Variants in QTGAL observed in about 807,000 individuals in gnomAD.
QTGAL encodes BGnT-like protein 1.
chr17:83,049,035 C>G, the QTGAL span: 1 of 467,452 alleles, frequency 2.1e-6, no homozygotes, highest in Non-Finnish European at 3.9e-6. Flanking sequence ...GGGTGGATTA[C>G]AAGGTCAGGA....
chr17:83,006,754 C>T, the QTGAL span: 1 of 985,480 alleles, frequency 1.0e-6, no homozygotes, highest in Non-Finnish European at 1.2e-6. This position sits in a 1 kb window ranked among gnomAD's most constrained non-coding sequence, Gnocchi z 5.8. Flanking sequence ...CCAGTCACTG[C>T]ATGTAACAGT....
the QTGAL span, among the ~76,000 whole-genome samples, chr17:83,029,099 C>A: frequency 2.0e-5 from 3 of 152,160 alleles, no homozygotes; most frequent in African/African-American, 7.2e-5. Context: ...CAGGCCGTTC[C>A]GAGGGACAGA....
the QTGAL span, chr17:83,006,440 A>G: frequency 1.0e-6 from 1 of 984,992 alleles, no homozygotes; most frequent in Non-Finnish European, 1.2e-6. The surrounding 1 kb of genome is among the most constrained non-coding windows in gnomAD (Gnocchi z 5.8). Context: ...AAACAACTGT[A>G]GAGAGACCCT....
the QTGAL span, among the ~76,000 whole-genome samples, chr17:83,036,876 G>A: frequency 1.3e-5 from 2 of 152,140 alleles, no homozygotes; most frequent in Non-Finnish European, 1.5e-5. Flanking sequence ...GGGTAGCCAA[G>A]GAAGGCTTCT....
chr17:82,965,710 T>C, the QTGAL span: 1 of 1,612,676 alleles, frequency 6.2e-7, no homozygotes, highest in African/African-American at 1.3e-5. Flanking sequence ...CAGAACCAGG[T>C]GGGCATGATC....
chr17:82,991,167 G>GCCAAAA, the QTGAL span, among the ~76,000 whole-genome samples: 1 of 152,090 alleles, frequency 6.6e-6, no homozygotes. Flanking sequence ...TTGTGAACTG[G>GCCAAAA]GTTAGCCAAA....
chr17:83,050,161 G>C, the QTGAL span, among the ~76,000 whole-genome samples: 1 of 151,998 alleles, frequency 6.6e-6, no homozygotes, highest in African/African-American at 2.4e-5. Context: ...ATCTGATGTC[G>C]GGAGTTCAAG....
the QTGAL span, chr17:83,005,120 T>A: frequency 6.2e-7 from 1 of 1,604,406 alleles, no homozygotes; most frequent in Non-Finnish European, 8.5e-7. The surrounding 1 kb of genome is among the most constrained non-coding windows in gnomAD (Gnocchi z 5.6). Context: ...GGTACCTGGG[T>A]TAGGAGCTGC....
chr17:83,014,022 G>C, the QTGAL span, among the ~76,000 whole-genome samples: 5 of 152,166 alleles, frequency 3.3e-5, no homozygotes, highest in Non-Finnish European at 5.9e-5. Context: ...GGAGCCCACG[G>C]GGCACTGCTG....
At chr17:83,048,239 G>T in the QTGAL span, among the ~76,000 whole-genome samples, 1 of 152,130 alleles carries the variant, frequency 6.6e-6, no homozygotes, top group Non-Finnish European at 1.5e-5. Context: ...TGTTGGCCAC[G>T]CTGGTCTTGA....
the QTGAL span, chr17:83,051,653 G>C: frequency 7.8e-7 from 1 of 1,286,968 alleles, no homozygotes; most frequent in East Asian, 3.1e-5. Flanking sequence ...TGCGAACCCC[G>C]GAGCGAGAGA....
the QTGAL span, among the ~76,000 whole-genome samples, chr17:82,964,472 A>ATAGC: frequency 4.6e-5 from 7 of 152,190 alleles, no homozygotes; most frequent in African/African-American, 1.7e-4. Flanking sequence ...AACAATAGAC[A>ATAGC]TAGCTAGTAT....
the QTGAL span, among the ~76,000 whole-genome samples, chr17:83,042,695 T>C: frequency 6.6e-6 from 1 of 150,540 alleles, no homozygotes; most frequent in East Asian, 1.9e-4. Context: ...AGTCCTTCCT[T>C]GTCAGTAATC....
At chr17:82,972,890 C>T in the QTGAL span, among the ~76,000 whole-genome samples, 2,668 of 122,718 alleles carry the variant, frequency 0.022, 49 homozygotes, top group African/African-American at 0.056. Context: ...GACCACACCA[C>T]ACCACAGGGG....
At chr17:82,958,850 G>GTGT in the QTGAL span, among the ~76,000 whole-genome samples, 54 of 123,482 alleles carry the variant, frequency 4.4e-4, no homozygotes, top group African/African-American at 9.1e-4. Flanking sequence ...TGTGTACACT[G>GTGT]GGGGTGTATG....
chr17:83,051,083 G>T, the QTGAL span, among the ~76,000 whole-genome samples: 2 of 149,426 alleles, frequency 1.3e-5, no homozygotes, highest in East Asian at 2.0e-4. Flanking sequence ...GTGCGGGAGC[G>T]AGGCAGGTGC....
At chr17:83,051,113 G>T in the QTGAL span, among the ~76,000 whole-genome samples, 1 of 147,284 alleles carries the variant, frequency 6.8e-6, no homozygotes, top group African/African-American at 2.5e-5. Flanking sequence ...GTGCGCGGGG[G>T]CGAGTCAGGA....
the QTGAL span, among the ~76,000 whole-genome samples, chr17:82,952,294 C>T: frequency 6.6e-6 from 1 of 152,194 alleles, no homozygotes; most frequent in South Asian, 2.1e-4. Context: ...GTGCCCATGT[C>T]TGTGTGTCCC....
the QTGAL span, among the ~76,000 whole-genome samples, chr17:82,952,361 C>T: frequency 6.6e-6 from 1 of 152,012 alleles, no homozygotes; most frequent in African/African-American, 2.4e-5. Flanking sequence ...ACCACTCACC[C>T]GTGGTTATTT....
Sources: allele counts gnomAD v4.1 joint callset (sites outside exome capture counted in the v4.1 genomes callset), GRCh38; gene constraint gnomAD v4.1.1; non-coding constraint Gnocchi (gnomAD v3.1); transcripts MANE v1.5; gene names NCBI Gene and HGNC (gene_info 2026-07-23, HGNC 2026-07-21).